The following SHROOM3 variants were observed in gnomAD, a reference collection of about 807,000 sequenced individuals.
SHROOM3 encodes shroom family member 3.
A neutral mutation model predicts 138.6 loss-of-function variants in SHROOM3; 47 were observed. The observed-to-expected ratio is 0.34, with a 90% CI of 0.27 to 0.43. SHROOM3 has a LOEUF of 0.43. Ranked by LOEUF, SHROOM3 falls within the 20% of genes least tolerant of loss-of-function variation. SHROOM3 has a pLI of 1.00. For synonymous variants in SHROOM3, 1,062 were observed against 1,063.3 expected (o/e 1.00, Z 0.02); for missense variants, 2,491 against 2,596.5 (o/e 0.96, Z 0.88).
chr4:76,483,640 T>C (rs1367219712), intron 1 of SHROOM3, among the ~76,000 whole-genome samples: 2 of 152,328 alleles, frequency 1.3e-5, no homozygotes, highest in East Asian at 3.9e-4. Context: ...GCAATCCTAT[T>C]ACTGGGTATA....
At chr4:76,476,348 G>A (rs1003123188) in intron 1 of SHROOM3, among the ~76,000 whole-genome samples, 2 of 152,090 alleles carry the variant, frequency 1.3e-5, no homozygotes, top group Non-Finnish European at 2.9e-5. Flanking sequence ...TTAATTATAT[G>A]ACCTCCACTA....
chr4:76,554,505 C>T (rs1277818109), intron 1 of SHROOM3, among the ~76,000 whole-genome samples: 7 of 149,622 alleles, frequency 4.7e-5, no homozygotes, highest in African/African-American at 1.2e-4. Flanking sequence ...CTGCAAGCGT[C>T]GGCTCTTGGG....
At chr4:76,689,790 G>A in intron 2 of SHROOM3, 1 of 975,590 alleles carries the variant, frequency 1.0e-6, no homozygotes, top group Non-Finnish European at 1.2e-6. Flanking sequence ...GCTCTGCGGC[G>A]ACTCTGGAAA....
chr4:76,779,448 G>A lies in SHROOM3; in HGVS notation c.*271G>A, dbSNP rs1438160010. 7.5e-6 allele frequency: 3 copies of A among 398,574 alleles called. No homozygotes were observed. Among genetic ancestry groups the A allele is most frequent in the Non-Finnish European group, 1.4e-5 (3 of 220,476 alleles). 24.7% of individuals were successfully genotyped at this position (398,574 alleles called of 1,614,324 possible). On this transcript the variant is annotated 3_prime_UTR_variant, in exon 11 of 11. Transcript: ENST00000296043. ...TTAATGAAACTGAGAACTGATTGGAGGGTGTTTGATCATTTAGTTTTTAAC... is the reference window on the plus strand; with the variant it reads ...TTAATGAAACTGAGAACTGATTGGAAGGTGTTTGATCATTTAGTTTTTAAC...
At chr4:76,620,144 G>A (rs530702103) in intron 2 of SHROOM3, among the ~76,000 whole-genome samples, 1 of 151,574 alleles carries the variant, frequency 6.6e-6, no homozygotes, top group East Asian at 1.9e-4. Flanking sequence ...TTTTGTGAGG[G>A]ATGTTTGAAG....
intron 2 of SHROOM3, chr4:76,586,200 A>C: frequency 1.0e-6 from 1 of 968,310 alleles, no homozygotes; most frequent in Non-Finnish European, 1.2e-6. Flanking sequence ...GGAGGCAGTC[A>C]TTCAAACTGC....
At chr4:76,608,574 G>A (rs1734676434) in intron 2 of SHROOM3, among the ~76,000 whole-genome samples, 1 of 149,520 alleles carries the variant, frequency 6.7e-6, no homozygotes, top group African/African-American at 2.5e-5. Context: ...GCATAGCATA[G>A]CATAGCATAG....
At chr4:76,501,457 A>G (rs1732094723) in intron 1 of SHROOM3, among the ~76,000 whole-genome samples, 1 of 151,974 alleles carries the variant, frequency 6.6e-6, no homozygotes, top group Admixed American at 6.6e-5. Context: ...TCGACCTTTT[A>G]CTCTGGTTCC....
At chr4:76,710,014 C>A in intron 2 of SHROOM3, 142 bp from the exon 3 acceptor site, 1 of 1,045,802 alleles carries the variant, frequency 9.6e-7, no homozygotes, top group Non-Finnish European at 1.5e-6. Context: ...TAGGTGCAGG[C>A]TTAGAACCCT....
At chr4:76,619,107 C>T (rs993759692) in intron 2 of SHROOM3, among the ~76,000 whole-genome samples, 2 of 152,184 alleles carry the variant, frequency 1.3e-5, no homozygotes, top group African/African-American at 4.8e-5. Flanking sequence ...CTTAGCCTCT[C>T]AAAGTGCTGG....
At chr4:76,674,637 G>A (rs1159050684) in intron 2 of SHROOM3, among the ~76,000 whole-genome samples, 4 of 127,996 alleles carry the variant, frequency 3.1e-5, no homozygotes, top group Non-Finnish European at 6.3e-5. Flanking sequence ...CACTGCAAAC[G>A]CTGCGTCCCC....
chr4:76,681,688 AGTGTCTGGTTG>A (rs1409437966), intron 2 of SHROOM3, among the ~76,000 whole-genome samples: 1 of 146,316 alleles, frequency 6.8e-6, no homozygotes, highest in Non-Finnish European at 1.5e-5. Flanking sequence ...TCCCCATGCT[AGTGTCTGGTTG>A]GTGTCTGGTG....
At position 76,510,876 on chromosome 4, in the gene SHROOM3, C is replaced by T. The variant is rs112066108; in HGVS notation, c.169-44733C>T. Among the ~76,000 whole-genome samples the T allele has an allele frequency of 1.2e-4, 18 of 152,224 alleles. 1 individual carries two copies. The highest frequency in any genetic ancestry group is 4.1e-4 in the African/African-American group (17 of 41,536). On this transcript the variant is annotated intron_variant, in intron 1 of 10. Transcript: ENST00000296043. ...GACTAGAGAATTTCTAAGATCTCTTCTGGCTCTAAAATGTTCATTTCTCAC... is the reference window on the plus strand; with the variant it reads ...GACTAGAGAATTTCTAAGATCTCTTTTGGCTCTAAAATGTTCATTTCTCAC...
chr4:76,674,851 G>C (rs1294602793), intron 2 of SHROOM3, among the ~76,000 whole-genome samples: 3 of 151,876 alleles, frequency 2.0e-5, no homozygotes, highest in Non-Finnish European at 2.9e-5. Flanking sequence ...CACCACACCC[G>C]GCCATGTCAA....
chr4:76,529,960 A>G (rs929682157), intron 1 of SHROOM3, among the ~76,000 whole-genome samples: 1 of 152,222 alleles, frequency 6.6e-6, no homozygotes. Flanking sequence ...CTTTAGCAAT[A>G]CAGAAATTGA....
chr4:76,612,218 G>A (rs1419403556), intron 2 of SHROOM3, among the ~76,000 whole-genome samples: 1 of 152,144 alleles, frequency 6.6e-6, no homozygotes, highest in African/African-American at 2.4e-5. Context: ...TAATCTGTGT[G>A]CAGCTGCATG....
chr4:76,650,797 T>C (rs902406594), intron 2 of SHROOM3, among the ~76,000 whole-genome samples: 1 of 152,030 alleles, frequency 6.6e-6, no homozygotes, highest in African/African-American at 2.4e-5. Flanking sequence ...CCCATCTCAG[T>C]CTCCCAAAGT....
At chr4:76,566,566 T>C (rs1004912105) in intron 2 of SHROOM3, among the ~76,000 whole-genome samples, 7 of 152,216 alleles carry the variant, frequency 4.6e-5, no homozygotes, top group Admixed American at 6.5e-5. Flanking sequence ...AAATCAGATC[T>C]TCGAAGGTCC....
chr4:76,563,163 A>G (rs933480530), intron 2 of SHROOM3, among the ~76,000 whole-genome samples: 1 of 152,246 alleles, frequency 6.6e-6, no homozygotes, highest in Non-Finnish European at 1.5e-5. Context: ...GTTTCATCAT[A>G]GTAAAATATT....
Sources: gnomAD v4.1 joint callset for allele counts (sites outside exome capture counted in the v4.1 genomes callset) on GRCh38, gnomAD v4.1.1 for gene constraint, MANE v1.5 for transcripts, NCBI Gene and HGNC (gene_info 2026-07-23, HGNC 2026-07-21) for gene names.